KIAA0930: variants seen among roughly 807,000 people sequenced by gnomAD.
KIAA0930 encodes the protein KIAA0930.
A neutral mutation model predicts 43.9 loss-of-function variants in KIAA0930; 24 were observed. The ratio of observed to expected loss-of-function variants is 0.55; its 90% CI spans 0.40 to 0.77. The LOEUF (loss-of-function observed/expected upper bound fraction) is 0.77, where lower values mean the gene tolerates loss of function less well. Ranked by LOEUF, KIAA0930 falls within the 30% of genes least tolerant of loss-of-function variation. The probability of loss-of-function intolerance (pLI) is 0.00; values close to 1 mark genes in which losing one functional copy is unlikely to be tolerated. For synonymous variants in KIAA0930, 259 were observed against 216.4 expected, an observed-to-expected ratio of 1.20 and a Z score of -1.73; for missense variants, 461 against 574.2, an observed-to-expected ratio of 0.80 and a Z score of 2.02.
chr22:45,203,349 T>TCTGCCTGGTGCC (rs975438778), intron 6 of KIAA0930, among the ~76,000 whole-genome samples, 165 bp from the exon 7 acceptor site: 1 of 152,096 alleles, frequency 6.6e-6, no homozygotes, highest in African/African-American at 2.4e-5. Flanking sequence ...GACCCACATC[T>TCTGCCTGGTGCC]CTGCCTGGTG....
intron 8 of KIAA0930, among the ~76,000 whole-genome samples, chr22:45,198,628 G>C (rs2083558373): frequency 6.6e-6 from 1 of 152,220 alleles, no homozygotes; most frequent in Non-Finnish European, 1.5e-5. Flanking sequence ...CTCAGTGGGA[G>C]TTGTCAGCGA....
chr22:45,238,111 G>C (rs902169322), intron 1 of KIAA0930, among the ~76,000 whole-genome samples: 1 of 151,202 alleles, frequency 6.6e-6, no homozygotes, highest in Admixed American at 6.6e-5. Flanking sequence ...ATTTTTAGTA[G>C]AGACGGGGGT....
intron 1 of KIAA0930, among the ~76,000 whole-genome samples, chr22:45,219,704 G>A (rs2147755274): frequency 6.9e-6 from 1 of 144,630 alleles, no homozygotes; most frequent in East Asian, 2.1e-4. Flanking sequence ...CCATCCTCCT[G>A]TTTCAGCCTC....
In KIAA0930 at chr22:45,231,815, ACC is replaced by A. The variant is rs574403563; in HGVS notation, c.64+8823_64+8824del. Reference sequence around the variant, plus strand: ...ATCAAGACCATCCTAACATGGTGAAACCCCGTCTCTACTAAAAATACGAAAAA... The same window carrying A: ...ATCAAGACCATCCTAACATGGTGAAACCGTCTCTACTAAAAATACGAAAAA... On this transcript the variant is annotated intron_variant, in intron 1 of 9. Transcript: ENST00000336156. Among the ~76,000 whole-genome samples, 172 of 152,072 alleles carry A rather than the reference ACC, an allele frequency of 1.1e-3. 1 individual carries two copies. The highest frequency in any genetic ancestry group is 3.9e-3 in the African/African-American group (163 of 41,474).
chr22:45,200,319 A>T lies in KIAA0930; in HGVS notation c.853-284T>A, dbSNP rs2083576523. 3 of 385,078 alleles carry T rather than the reference A, an allele frequency of 7.8e-6. No homozygotes were observed. The Admixed American group carries it at 1.3e-4, about 17-fold the overall frequency. 23.9% of individuals were successfully genotyped at this position (385,078 alleles called of 1,614,324 possible). A position where few individuals can be genotyped will look rare whatever the true frequency, so the allele number is the denominator to read the frequency against. The stretch of plus-strand genomic sequence containing the variant: ...GAAAGACCCCCCTCCTCTGGGCCTC[A>T]AACAGTGGGTAGGGGGTGTTCAAGC... On this transcript the variant is annotated intron_variant, in intron 7 of 9. Transcript: ENST00000336156.
At position 45,218,314 on chromosome 22, in the gene KIAA0930, C is replaced by T. The variant is rs538394824; in HGVS notation, c.65-6207G>A. The stretch of plus-strand genomic sequence containing the variant: ...GTGTGATTACAGGCATGCACCATCA[C>T]ACCCAGCTAATTTTTTTGATTTTTT... On this transcript the variant is annotated intron_variant, in intron 1 of 9. Coordinates refer to ENST00000336156, the MANE Select transcript of KIAA0930 (RefSeq NM_001009880.2). Among the ~76,000 whole-genome samples, 460 of 147,842 alleles carry T rather than the reference C, an allele frequency of 3.1e-3. 1 individual carries two copies. Among genetic ancestry groups the T allele is most frequent in the Non-Finnish European group, 5.0e-3 (333 of 67,076 alleles).
chr22:45,203,044 T>C lies in KIAA0930; in HGVS notation c.798A>G (p.Thr266=). ...MAVSRVSTGD[T]SPCGTEEDSS... ...AGTCCTCTTCAGTCCCACAGGGGGA[T>C]GTGTCACCTGTAGACACTCGGCTGA... Residue 266 remains threonine, a synonymous_variant, in exon 7 of 10, where the codon ACA becomes ACG. Coordinates refer to ENST00000336156, the MANE Select transcript of KIAA0930 (RefSeq NM_001009880.2). 1 of 1,613,582 alleles carries C rather than the reference T, an allele frequency of 6.2e-7. No homozygotes were observed. Among genetic ancestry groups the C allele is most frequent in the Non-Finnish European group, 8.5e-7 (1 of 1,179,786 alleles).
intron 9 of KIAA0930, 114 bp downstream of exon 9, chr22:45,197,676 A>C (rs1403603391): frequency 8.6e-7 from 1 of 1,156,178 alleles, no homozygotes; most frequent in East Asian, 2.4e-5. Flanking sequence ...AAGAAACCCA[A>C]CCAACCGACA....
chr22:45,240,664 G>A lies in KIAA0930; in HGVS notation c.40C>T (p.Leu14=), dbSNP rs2083911334. ...AIAEERGRLS[L]RREVCGLGCF... is the part of the protein sequence containing the mutation. ...CCGAGGCCGCAGACCTCGCGGCGCA[G>A]GCTAAGACGGCCGCGCTCCTCCGCT... The change falls in exon 1 of 10, where the codon CTG becomes TTG. Residue 14 remains leucine (L), a synonymous_variant. Coordinates refer to ENST00000336156, the MANE Select transcript of KIAA0930 (RefSeq NM_001009880.2). 9.9e-6 allele frequency: 15 copies of A among 1,517,914 alleles called. No individual in the cohort carries two copies. The highest frequency in any genetic ancestry group is 1.1e-5 in the Non-Finnish European group (13 of 1,140,084). 94.0% of individuals were successfully genotyped at this position (1,517,914 alleles called of 1,614,324 possible). A position where few individuals can be genotyped will look rare whatever the true frequency, so the allele number is the denominator to read the frequency against.
chr22:45,211,281 AGTT>A (rs2083690925), intron 2 of KIAA0930: 3 of 397,874 alleles, frequency 7.5e-6, no homozygotes, highest in Non-Finnish European at 1.3e-5. Flanking sequence ...TGGCATATGG[AGTT>A]GATTAAACAT....
At chr22:45,212,723 A>G (rs1053252367) in intron 1 of KIAA0930, among the ~76,000 whole-genome samples, 2 of 152,224 alleles carry the variant, frequency 1.3e-5, no homozygotes, top group African/African-American at 4.8e-5. Flanking sequence ...GTATTTCTTT[A>G]TGATAAATAT....
intron 1 of KIAA0930, among the ~76,000 whole-genome samples, chr22:45,230,985 A>G (rs1425778205): frequency 6.6e-6 from 1 of 152,108 alleles, no homozygotes; most frequent in Non-Finnish European, 1.5e-5. Context: ...GTGCCTCAAC[A>G]TACCTGTAAT....
chr22:45,197,165 T>A lies in KIAA0930; in HGVS notation c.*11A>T, dbSNP rs1352945949. ...GGCCCGGCCGGGGCTCTGCGCAGGCTCCGCACGCGGCTAGGTCATCAGGAT... is the reference window on the plus strand; with the variant it reads ...GGCCCGGCCGGGGCTCTGCGCAGGCACCGCACGCGGCTAGGTCATCAGGAT... On this transcript the variant is annotated 3_prime_UTR_variant, in exon 10 of 10. Transcript: ENST00000336156. 1 of 1,546,802 alleles carries A rather than the reference T, an allele frequency of 6.5e-7. No individual in the cohort carries two copies. The highest frequency in any genetic ancestry group is 1.4e-5 in the African/African-American group (1 of 72,868).
chr22:45,192,664 G>T lies in KIAA0930; in HGVS notation c.*4512C>A, dbSNP rs1489709757. Reference sequence around the variant, plus strand: ...GCGAGCGTGTCGCGGGCTCTGTGGGGTTGCAGGGTCACTGTTATTTTGATC... The same window carrying T: ...GCGAGCGTGTCGCGGGCTCTGTGGGTTTGCAGGGTCACTGTTATTTTGATC... On this transcript the variant is annotated 3_prime_UTR_variant, in exon 10 of 10. Coordinates refer to ENST00000336156, the MANE Select transcript of KIAA0930 (RefSeq NM_001009880.2). 3 of 152,390 alleles carry T rather than the reference G, an allele frequency of 2.0e-5. No homozygotes were observed. The highest frequency in any genetic ancestry group is 4.1e-4 in the South Asian group (2 of 4,832). The allele number at this position is 152,390 out of a possible 1,614,324, so 9.4% of individuals were successfully genotyped here. A position where few individuals can be genotyped will look rare whatever the true frequency, so the allele number is the denominator to read the frequency against.
chr22:45,238,897 T>TCTCTCTCACC (rs1569087823), intron 1 of KIAA0930, among the ~76,000 whole-genome samples: 5 of 151,606 alleles, frequency 3.3e-5, no homozygotes, highest in African/African-American at 9.8e-5. Context: ...TCTCTCTCTC[T>TCTCTCTCACC]CTCTCACCCT....
chr22:45,205,788 CAT>C lies in KIAA0930; in HGVS notation c.336+3_336+4del. 6.2e-7 allele frequency: 1 copy of C among 1,608,670 alleles called. No individual in the cohort carries two copies. Among genetic ancestry groups the C allele is most frequent in the Non-Finnish European group, 8.5e-7 (1 of 1,177,152 alleles). On this transcript the variant is annotated splice_donor_region_variant and intron_variant, in intron 3 of 9. Transcript: ENST00000336156. ...ATCCGCAGCCCCACCCATCCCACCC[CAT>C]ACCTTCTGCAGGATGAGATTCAGGC...
At chr22:45,212,305 G>A in intron 1 of KIAA0930, 198 bp from the exon 2 acceptor site, 5 of 1,612,918 alleles carry the variant, frequency 3.1e-6, no homozygotes, top group Non-Finnish European at 4.2e-6. Context: ...CCTCCCAGGA[G>A]GCCCAGTTCC....
intron 1 of KIAA0930, among the ~76,000 whole-genome samples, chr22:45,233,399 C>T (rs936933875): frequency 1.3e-5 from 2 of 152,050 alleles, no homozygotes; most frequent in Admixed American, 6.6e-5. Context: ...GGTGCTAGGC[C>T]GAGTTCCCCA....
chr22:45,240,622 C>T lies in KIAA0930; in HGVS notation c.64+18G>A. On this transcript the variant is annotated intron_variant, in intron 1 of 9. Coordinates refer to ENST00000336156, the MANE Select transcript of KIAA0930 (RefSeq NM_001009880.2). ...GCTCACCTCTCCCGGCCCGGCCTCG[C>T]CCCCGGGTCCCACTCACCGAGGCCG... 7.9e-6 allele frequency: 12 copies of T among 1,510,508 alleles called. No homozygotes were observed. The highest frequency in any genetic ancestry group is 1.1e-5 in the Non-Finnish European group (12 of 1,129,622). 93.6% of individuals were successfully genotyped at this position (1,510,508 alleles called of 1,614,324 possible).
Sources: gnomAD v4.1 joint callset for allele counts (sites outside exome capture counted in the v4.1 genomes callset) on GRCh38, gnomAD v4.1.1 for gene constraint, MANE v1.5 for transcripts, NCBI Gene and HGNC (gene_info 2026-07-23, HGNC 2026-07-21) for gene names.